The following KDM4A variants were observed in gnomAD, a reference collection of about 807,000 sequenced individuals.
KDM4A encodes lysine-specific demethylase 4A.
A neutral mutation model predicts 127.1 loss-of-function variants in KDM4A; 23 were observed. That is an observed-to-expected ratio of 0.18 (90% CI 0.13 to 0.26). KDM4A has a LOEUF of 0.26. Among genes scored for constraint, KDM4A ranks in the 10% least tolerant of loss-of-function variants. KDM4A has a pLI of 1.00. For synonymous variants in KDM4A, 443 were observed against 466.5 expected (o/e 0.95, Z 0.65); for missense variants, 890 against 1,329.1 (o/e 0.67, Z 5.14).
chr1:43,662,930 A>G lies in KDM4A; in HGVS notation c.466A>G (p.Ile156Val), dbSNP rs1381884372. ...GTGGAATATTGGCCGGCTGAGAACA[A>G]TCCTGGACTTGGTGGAAAAGGAGAG... ...DEWNIGRLRT[I>V]LDLVEKESGI... Residue 156 changes from isoleucine to valine, a missense_variant, in exon 5 of 22, where the codon ATC becomes GTC. By Grantham distance (29) the Ile-to-Val change is conservative (BLOSUM62 3). This residue lies in a region of KDM4A where 141 missense variants were observed against 273.5 expected (regional missense o/e 0.52). Transcript: ENST00000372396. The G allele has an allele frequency of 1.2e-6, 2 of 1,613,986 alleles. No homozygotes were observed. The highest frequency in any genetic ancestry group is 1.7e-6 in the Non-Finnish European group (2 of 1,179,928).
chr1:43,701,015 C>T (rs577856740), intron 19 of KDM4A, among the ~76,000 whole-genome samples: 219 of 151,962 alleles, frequency 1.4e-3, no homozygotes, highest in African/African-American at 5.1e-3. Context: ...CTCCACCTAC[C>T]GGGTTCAAGC....
At chr1:43,668,283 G>A (rs1309849850) in intron 9 of KDM4A, among the ~76,000 whole-genome samples, 1 of 152,032 alleles carries the variant, frequency 6.6e-6, no homozygotes, top group East Asian at 1.9e-4. Flanking sequence ...CTACAGCCAC[G>A]CCTGGCTAAT....
chr1:43,683,918 C>A, intron 12 of KDM4A, 114 bp downstream of exon 12: 2 of 1,151,060 alleles, frequency 1.7e-6, no homozygotes, highest in Non-Finnish European at 2.5e-6. Context: ...GGCTTAGCTG[C>A]TCTTCCAGAT....
intron 3 of KDM4A, among the ~76,000 whole-genome samples, chr1:43,656,819 G>C (rs1480889118): frequency 6.6e-6 from 1 of 151,096 alleles, no homozygotes; most frequent in Admixed American, 6.6e-5. Flanking sequence ...TCCACCTCCC[G>C]GGTTCAAGCA....
intron 3 of KDM4A, 84 bp from the exon 4 acceptor site, chr1:43,660,214 A>G: frequency 7.1e-7 from 1 of 1,417,930 alleles, no homozygotes; most frequent in South Asian, 1.2e-5. Context: ...CTGTCACTGG[A>G]ATAGGGGATT....
At position 43,688,431 on chromosome 1, in the gene KDM4A, A is replaced by C. The variant is rs987213613; in HGVS notation, c.1856-483A>C. ...AGCTGGTAAGTCCTGGCCAAGGACC[A>C]TGATATTACAACTTTTAAGCTTTGC... On this transcript the variant is annotated intron_variant, in intron 12 of 21. Transcript: ENST00000372396. This position sits in a 1 kb window ranked among gnomAD's most constrained non-coding sequence, Gnocchi z 4.4. Among the ~76,000 whole-genome samples, 1 of 152,122 alleles carries C rather than the reference A, an allele frequency of 6.6e-6. No homozygotes were observed. The highest frequency in any genetic ancestry group is 1.5e-5 in the Non-Finnish European group (1 of 68,030).
At chr1:43,704,187 G>T in intron 21 of KDM4A, 43 bp from the exon 22 acceptor site, 1 of 1,613,902 alleles carries the variant, frequency 6.2e-7, no homozygotes, top group Non-Finnish European at 8.5e-7. Context: ...CCTTTGTATT[G>T]TTCCTGGGGT....
At chr1:43,653,084 A>G (rs1205725589) in intron 1 of KDM4A, 53 bp from the exon 2 acceptor site, 1 of 924,226 alleles carries the variant, frequency 1.1e-6, no homozygotes, top group Non-Finnish European at 1.5e-6. Context: ...TGATGTTTCC[A>G]GCACTTAATT....
At chr1:43,662,168 G>A (rs756514082) in intron 4 of KDM4A, among the ~76,000 whole-genome samples, 11 of 151,792 alleles carry the variant, frequency 7.2e-5, no homozygotes, top group Non-Finnish European at 1.0e-4. Context: ...CCAAAGTGTT[G>A]AGATTACAGG....
chr1:43,704,660 G>GC lies in KDM4A; in HGVS notation c.*291dup. On this transcript the variant is annotated 3_prime_UTR_variant, in exon 22 of 22. Coordinates refer to ENST00000372396, the MANE Select transcript of KDM4A (RefSeq NM_014663.3). The stretch of plus-strand genomic sequence containing the variant: ...GTCCATAGAGGGGTCAACTATGCTG[G>GC]CTGGACTGGCTGCCTTGTTCCTGGC... 1 of 397,756 alleles carries GC rather than the reference G, an allele frequency of 2.5e-6. No homozygotes were observed. Among genetic ancestry groups the GC allele is most frequent in the African/African-American group, 2.1e-5 (1 of 48,442 alleles). 24.6% of individuals were successfully genotyped at this position (397,756 alleles called of 1,614,324 possible).
Position 43,660,304 on chromosome 1 carries a change from T to C in KDM4A, c.321T>C (p.Cys107=), listed in dbSNP as rs747220244. ...FRKIANSDKY[C]TPRYSEFEEL... Reference sequence around the variant, plus strand: ...TCTTTTTACTTTCAAAAAGGTACTGTACCCCACGCTATAGTGAGTTTGAAG... The same window carrying C: ...TCTTTTTACTTTCAAAAAGGTACTGCACCCCACGCTATAGTGAGTTTGAAG... The change falls in exon 4 of 22, where the codon TGT becomes TGC. Residue 107 remains cysteine, a synonymous_variant. Transcript: ENST00000372396. The C allele has an allele frequency of 1.9e-6, 3 of 1,614,078 alleles. 1 individual carries two copies. The South Asian group carries it at 3.3e-5, about 18-fold the overall frequency.
At chr1:43,683,242 C>T (rs1408693738) in intron 11 of KDM4A, among the ~76,000 whole-genome samples, 2 of 152,256 alleles carry the variant, frequency 1.3e-5, no homozygotes, top group African/African-American at 2.4e-5. Context: ...GTCCCCTAGA[C>T]ACTCCTGGGT....
chr1:43,654,470 T>TC (rs1249839009), intron 2 of KDM4A, among the ~76,000 whole-genome samples: 5 of 152,068 alleles, frequency 3.3e-5, no homozygotes, highest in Non-Finnish European at 7.4e-5. Flanking sequence ...TTTTTTTTTT[T>TC]CTTTTTTCCT....
intron 4 of KDM4A, among the ~76,000 whole-genome samples, chr1:43,662,498 C>T (rs1024624645): frequency 5.9e-5 from 9 of 152,128 alleles, no homozygotes; most frequent in South Asian, 2.1e-4. Flanking sequence ...ATCCCAGGTG[C>T]GCGGGAGGCT....
intron 13 of KDM4A, 113 bp from the exon 14 acceptor site, chr1:43,690,732 C>G: frequency 2.1e-6 from 2 of 964,222 alleles, no homozygotes; most frequent in Admixed American, 3.4e-5. Flanking sequence ...CACCCGGGAG[C>G]TGTAGCCATA....
rs376327104 is a variant in KDM4A, at chr1:43,701,601, C to T, written c.2842-2016C>T. 1.5e-4 allele frequency among the ~76,000 whole-genome samples: 23 copies of T among 152,240 alleles called. No individual in the cohort carries two copies. The East Asian group carries it at 3.3e-3, about 22-fold the overall frequency. ...CCTCATCCTCCCGGCCTCAAGCAGT[C>T]CTCAGCCTTCCGAGTAACTGGGACT... is the stretch of plus-strand genomic sequence containing the variant. On this transcript the variant is annotated intron_variant, in intron 19 of 21. Transcript: ENST00000372396.
rs372493365 is a variant in KDM4A, at chr1:43,693,459, C to T, written c.2376-535C>T. Reference sequence around the variant, plus strand: ...AAGGATGTCCGTTGAATAGACCTCTCAGAGTAAGTGGGGCTTGGGTCAGAC... The same window carrying T: ...AAGGATGTCCGTTGAATAGACCTCTTAGAGTAAGTGGGGCTTGGGTCAGAC... On this transcript the variant is annotated intron_variant, in intron 16 of 21. Transcript: ENST00000372396. The surrounding 1 kb of genome is among the most constrained non-coding windows in gnomAD (Gnocchi z 4.2). 2.6e-5 allele frequency among the ~76,000 whole-genome samples: 4 copies of T among 152,346 alleles called. No individual in the cohort carries two copies. Among genetic ancestry groups the T allele is most frequent in the East Asian group, 1.9e-4 (1 of 5,192 alleles).
intron 4 of KDM4A, among the ~76,000 whole-genome samples, chr1:43,661,496 C>T (rs1660376066): frequency 6.7e-6 from 1 of 149,998 alleles, no homozygotes; most frequent in Admixed American, 6.7e-5. Flanking sequence ...GTCCCAGCTA[C>T]TCTGGAGGCT....
Position 43,704,675 on chromosome 1 carries a change from T to C in KDM4A, c.*305T>C, listed in dbSNP as rs1015574779. ...AACTATGCTGGCTGGACTGGCTGCC[T>C]TGTTCCTGGCCTAGGACTTAGCTTC... On this transcript the variant is annotated 3_prime_UTR_variant, in exon 22 of 22. Coordinates refer to ENST00000372396, the MANE Select transcript of KDM4A (RefSeq NM_014663.3). The C allele has an allele frequency of 1.1e-5, 4 of 374,988 alleles. No individual in the cohort carries two copies. Among genetic ancestry groups the C allele is most frequent in the African/African-American group, 6.3e-5 (3 of 47,644 alleles). 23.2% of individuals were successfully genotyped at this position (374,988 alleles called of 1,614,324 possible). A position where few individuals can be genotyped will look rare whatever the true frequency, so the allele number is the denominator to read the frequency against.
Sources: gnomAD v4.1 joint callset for allele counts (sites outside exome capture counted in the v4.1 genomes callset) on GRCh38, gnomAD v4.1.1 for gene constraint, gnomAD v4.1.1 regional missense constraint, Gnocchi (gnomAD v3.1) non-coding constraint, MANE v1.5 for transcripts, NCBI Gene and HGNC (gene_info 2026-07-23, HGNC 2026-07-21) for gene names.